Variants in CERS6 observed in about 807,000 individuals in gnomAD.
CERS6 encodes ceramide synthase 6.
Under a neutral mutation model 56.8 loss-of-function variants are expected in CERS6, and 26 were observed. That is an observed-to-expected ratio of 0.46 (90% CI 0.34 to 0.63). CERS6 has a LOEUF of 0.63. CERS6 is among the 30% of genes least tolerant of loss of function. CERS6 has a pLI of 0.01. For missense variants in CERS6, 415 were observed against 467.5 expected (o/e 0.89, Z 1.04); for synonymous variants, 164 against 173.3 (o/e 0.95, Z 0.42).
intron 3 of CERS6, among the ~76,000 whole-genome samples, chr2:168,613,350 G>A (rs946789748): frequency 2.6e-5 from 4 of 152,300 alleles, no homozygotes; most frequent in East Asian, 1.9e-4. Context: ...GCAGGAGCAC[G>A]TGGTGTGAAA....
intron 3 of CERS6, among the ~76,000 whole-genome samples, chr2:168,563,107 G>A (rs959941484): frequency 6.6e-5 from 10 of 152,168 alleles, no homozygotes; most frequent in African/African-American, 2.2e-4. Context: ...TTTAAGATAA[G>A]CATCAGTCAC....
intron 4 of CERS6, among the ~76,000 whole-genome samples, chr2:168,687,110 C>T (rs1193735298): frequency 3.3e-5 from 5 of 152,148 alleles, no homozygotes; most frequent in Admixed American, 3.3e-4. Context: ...TTTAGGGGCA[C>T]CGTCCCCAAG....
intron 8 of CERS6, among the ~76,000 whole-genome samples, chr2:168,730,728 G>A (rs999686349): frequency 9.9e-5 from 15 of 152,002 alleles, no homozygotes; most frequent in South Asian, 6.2e-4. Flanking sequence ...TTGAAAGGAC[G>A]GCATATAAAC....
chr2:168,642,570 A>G (rs1417169288), intron 4 of CERS6, among the ~76,000 whole-genome samples: 1 of 152,196 alleles, frequency 6.6e-6, no homozygotes, highest in African/African-American at 2.4e-5. Context: ...TACAATGTTA[A>G]CAGAGTAATC....
intron 3 of CERS6, among the ~76,000 whole-genome samples, chr2:168,609,116 G>A (rs766375834): frequency 4.6e-5 from 7 of 152,158 alleles, no homozygotes; most frequent in Non-Finnish European, 1.0e-4. Context: ...GACTTCAAGG[G>A]CATCAGTAGG....
intron 8 of CERS6, among the ~76,000 whole-genome samples, chr2:168,719,457 CTT>C (rs1412399426): frequency 1.3e-5 from 2 of 152,144 alleles, no homozygotes; most frequent in Non-Finnish European, 2.9e-5. Flanking sequence ...GTAGATCAGA[CTT>C]TAGTTTTAAG....
chr2:168,642,867 C>T (rs559174410), intron 4 of CERS6, among the ~76,000 whole-genome samples: 1 of 152,274 alleles, frequency 6.6e-6, no homozygotes, highest in South Asian at 2.1e-4. Context: ...CAGCTAATAG[C>T]CTTGTTGTGA....
intron 3 of CERS6, among the ~76,000 whole-genome samples, chr2:168,569,769 T>C (rs1249032604): frequency 6.6e-6 from 1 of 152,206 alleles, no homozygotes; most frequent in Non-Finnish European, 1.5e-5. Flanking sequence ...CATTGGAGTC[T>C]TCTCTCTGAT....
rs61031993 is a variant in CERS6 at position 168,559,733 on chromosome 2, T to TTTTATATATATATATATA, written c.277-1459_277-1458insTTTATATATATATATATA. Among the ~76,000 whole-genome samples, 65 of 66,274 alleles carry TTTTATATATATATATATA rather than the reference T, an allele frequency of 9.8e-4. 5 individuals carry two copies. Among genetic ancestry groups the TTTTATATATATATATATA allele is most frequent in the African/African-American group, 2.4e-3 (49 of 20,194 alleles). The allele number at this position is 66,274 out of a possible 152,430, so 43.5% of individuals were successfully genotyped here. ...TGCTTGAGCTGCTTTTAGAAAGGTA[T>TTTTATATATATATATATA]CATATATATATATATATATATTTCA... On this transcript the variant is annotated intron_variant, in intron 2 of 9. Transcript: ENST00000305747.
intron 3 of CERS6, among the ~76,000 whole-genome samples, chr2:168,576,984 T>G (rs764564302): frequency 6.6e-5 from 10 of 152,046 alleles, no homozygotes; most frequent in Non-Finnish European, 1.5e-4. Flanking sequence ...AGGATTTTGA[T>G]TTTGGTCATG....
At chr2:168,759,896 TG>T (rs985410483) in intron 8 of CERS6, among the ~76,000 whole-genome samples, 1,993 of 146,416 alleles carry the variant, frequency 0.014, 18 homozygotes, top group African/African-American at 0.033. Flanking sequence ...ACGTTGTGTG[TG>T]TTTTTTTTTG....
chr2:168,649,360 C>T (rs1375485874), intron 4 of CERS6, among the ~76,000 whole-genome samples: 6 of 152,132 alleles, frequency 3.9e-5, no homozygotes, highest in African/African-American at 1.4e-4. Context: ...AATGGCCTCT[C>T]CTGGTAAAAA....
At chr2:168,551,194 C>A (rs1044393103) in intron 2 of CERS6, among the ~76,000 whole-genome samples, 1 of 152,200 alleles carries the variant, frequency 6.6e-6, no homozygotes, top group Non-Finnish European at 1.5e-5. Flanking sequence ...CTATCTGGTT[C>A]TCCTTTGTGA....
chr2:168,675,141 T>C (rs1199392868), intron 4 of CERS6, among the ~76,000 whole-genome samples: 1 of 151,880 alleles, frequency 6.6e-6, no homozygotes, highest in Non-Finnish European at 1.5e-5. Flanking sequence ...ACCTAGCAGA[T>C]TTTTTGTATT....
chr2:168,743,158 A>G (rs1281580478), intron 8 of CERS6, among the ~76,000 whole-genome samples: 1 of 151,486 alleles, frequency 6.6e-6, no homozygotes, highest in African/African-American at 2.4e-5. Flanking sequence ...ATATATATAT[A>G]TATATGTATG....
chr2:168,614,784 T>C (rs1574101666), intron 3 of CERS6, among the ~76,000 whole-genome samples: 1 of 152,044 alleles, frequency 6.6e-6, no homozygotes, highest in Non-Finnish European at 1.5e-5. Context: ...CCTTCCTGGC[T>C]CACTCTAGTA....
chr2:168,732,858 T>C (rs902513822), intron 8 of CERS6, among the ~76,000 whole-genome samples: 1 of 152,244 alleles, frequency 6.6e-6, no homozygotes, highest in Non-Finnish European at 1.5e-5. Context: ...TTTTATCTTC[T>C]GGCCTGCTTT....
chr2:168,696,390 C>T (rs1366089539), intron 6 of CERS6, among the ~76,000 whole-genome samples: 1 of 152,162 alleles, frequency 6.6e-6, no homozygotes, highest in Non-Finnish European at 1.5e-5. Flanking sequence ...TCTCCTTTTG[C>T]CCACTCTATT....
chr2:168,475,054 A>G (rs1349217572), intron 1 of CERS6, among the ~76,000 whole-genome samples: 1 of 152,162 alleles, frequency 6.6e-6, no homozygotes, highest in African/African-American at 2.4e-5. Context: ...TAAATCTAGA[A>G]CTACGTTGTT....
Sources: gnomAD v4.1 joint callset for allele counts (sites outside exome capture counted in the v4.1 genomes callset) on GRCh38, gnomAD v4.1.1 for gene constraint, MANE v1.5 for transcripts, NCBI Gene and HGNC (gene_info 2026-07-23, HGNC 2026-07-21) for gene names.